Variants in ASIC2 observed in about 807,000 individuals in gnomAD.
ASIC2 encodes acid-sensing ion channel 2.
ASIC2 carries 25 observed loss-of-function variants against 57.3 expected under a neutral mutation model. The ratio of observed to expected loss-of-function variants is 0.44; its 90% confidence interval spans 0.32 to 0.61. ASIC2 has a LOEUF of 0.61. ASIC2 is among the 20% of genes least tolerant of loss of function. The pLI, the probability that ASIC2 is intolerant of heterozygous loss-of-function variation, is 0.06. For synonymous variants in ASIC2, 319 were observed against 307.5 expected (o/e 1.04, Z -0.39); for missense variants, 641 against 738.1 (o/e 0.87, Z 1.52).
chr17:33,213,863 C>T (rs906011606), intron 1 of ASIC2, among the ~76,000 whole-genome samples: 16 of 152,210 alleles, frequency 1.1e-4, no homozygotes, highest in Non-Finnish European at 2.1e-4. Context: ...TACTGATTCT[C>T]TCCCTGGCCC....
intron 1 of ASIC2, among the ~76,000 whole-genome samples, chr17:34,105,874 C>T (rs1281762416): frequency 6.6e-6 from 1 of 151,944 alleles, no homozygotes; most frequent in Non-Finnish European, 1.5e-5. Context: ...TACTTTCTTA[C>T]ATAACCACTG....
chr17:33,463,610 G>A (rs546377491), intron 1 of ASIC2, among the ~76,000 whole-genome samples: 75 of 152,268 alleles, frequency 4.9e-4, no homozygotes, highest in African/African-American at 1.7e-3. Context: ...ATCTGCCTGC[G>A]TGAGCCCCAG....
At chr17:33,859,436 A>T (rs992903686) in intron 1 of ASIC2, among the ~76,000 whole-genome samples, 27 of 152,222 alleles carry the variant, frequency 1.8e-4, no homozygotes, top group African/African-American at 5.5e-4. Context: ...AGAGGCAGGC[A>T]ATATTACCGT....
intron 1 of ASIC2, among the ~76,000 whole-genome samples, chr17:33,170,142 C>G (rs1305189800): frequency 6.6e-6 from 1 of 152,152 alleles, no homozygotes; most frequent in South Asian, 2.1e-4. Flanking sequence ...CCAAGCCATC[C>G]TTTTGGTAAA....
chr17:33,369,407 T>C (rs1349613705), intron 1 of ASIC2, among the ~76,000 whole-genome samples: 1 of 152,240 alleles, frequency 6.6e-6, no homozygotes, highest in Non-Finnish European at 1.5e-5. Flanking sequence ...CTTCTCTTAC[T>C]TGTTGTGTGA....
At chr17:33,894,737 T>C (rs773696682) in intron 1 of ASIC2, among the ~76,000 whole-genome samples, 1 of 152,108 alleles carries the variant, frequency 6.6e-6, no homozygotes, top group Non-Finnish European at 1.5e-5. Context: ...AGACACCTTA[T>C]TGATGTGTTT....
intron 1 of ASIC2, among the ~76,000 whole-genome samples, chr17:33,415,894 G>T (rs8079178): frequency 1.3e-5 from 2 of 152,152 alleles, no homozygotes; most frequent in African/African-American, 4.8e-5. Context: ...TCTCTGTTCC[G>T]CCTGGAACCT....
intron 1 of ASIC2, among the ~76,000 whole-genome samples, chr17:33,280,072 TC>T (rs1904876832): frequency 6.6e-6 from 1 of 152,228 alleles, no homozygotes; most frequent in South Asian, 2.1e-4. Context: ...CCCTCCTCAC[TC>T]CTGGCACATA....
At chr17:33,473,364 T>G (rs887172357) in intron 1 of ASIC2, among the ~76,000 whole-genome samples, 4 of 152,204 alleles carry the variant, frequency 2.6e-5, no homozygotes, top group African/African-American at 7.2e-5. Context: ...CAGTGACATT[T>G]ATTCCTGAGA....
chr17:33,038,804 T>C lies in ASIC2; in HGVS notation c.988-10412A>G, dbSNP rs1201633802. On this transcript the variant is annotated intron_variant, in intron 3 of 9. Transcript: ENST00000225823. ...GGGACATCCTTATGTTGTTCTTCAA[T>C]CATTGATTTTTCCAGCCTCTCCCAG... Among the ~76,000 whole-genome samples the C allele has an allele frequency of 2.6e-4, 40 of 152,180 alleles. 1 individual carries two copies. The highest frequency in any genetic ancestry group is 5.9e-4 in the Non-Finnish European group (40 of 68,032).
intron 1 of ASIC2, among the ~76,000 whole-genome samples, chr17:33,467,234 C>T (rs1262306074): frequency 2.6e-5 from 4 of 152,154 alleles, no homozygotes; most frequent in Admixed American, 2.6e-4. Context: ...AGCCACTGTG[C>T]CTGGCCTTGA....
chr17:33,587,183 T>C (rs1229264305), intron 1 of ASIC2, among the ~76,000 whole-genome samples: 3 of 152,228 alleles, frequency 2.0e-5, no homozygotes, highest in Non-Finnish European at 4.4e-5. Context: ...GTTGAGTACT[T>C]GCAACAGAGA....
intron 1 of ASIC2, among the ~76,000 whole-genome samples, chr17:33,233,400 T>C (rs1378226705): frequency 6.6e-6 from 1 of 151,980 alleles, no homozygotes; most frequent in South Asian, 2.1e-4. Context: ...TACACCACCG[T>C]GTGTGTCACT....
At chr17:33,465,187 C>T (rs1394473718) in intron 1 of ASIC2, among the ~76,000 whole-genome samples, 1 of 152,078 alleles carries the variant, frequency 6.6e-6, no homozygotes, top group East Asian at 1.9e-4. Context: ...TTGTTAGGAG[C>T]TTAAGGGATT....
In ASIC2 at chr17:33,291,523, C is replaced by G. The variant is rs760787252; in HGVS notation, c.593G>C (p.Arg198Pro). ...LADFRLFLPP[R>P]HFEGISAAFM... Reference sequence around the variant, plus strand: ...GGCGGCGCTGATTCCCTCGAAGTGGCGCGGAGGCAGGAAGAGGCGGAAGTC... The same window carrying G: ...GGCGGCGCTGATTCCCTCGAAGTGGGGCGGAGGCAGGAAGAGGCGGAAGTC... Residue 198 changes from arginine to proline, a missense_variant, in exon 1 of 10, where the codon CGC becomes CCC. This residue lies in a region of ASIC2 where 382 missense variants were observed against 398.0 expected (regional missense o/e 0.96). Transcript: ENST00000225823. 1.2e-5 allele frequency: 19 copies of G among 1,612,600 alleles called. No homozygotes were observed. The highest frequency in any genetic ancestry group is 1.4e-5 in the Non-Finnish European group (16 of 1,179,758).
chr17:33,299,133 C>G (rs1250227093), intron 1 of ASIC2, among the ~76,000 whole-genome samples: 1 of 152,222 alleles, frequency 6.6e-6, no homozygotes, highest in Non-Finnish European at 1.5e-5. Flanking sequence ...CATCCCAAGT[C>G]AATCCTAAGC....
intron 1 of ASIC2, among the ~76,000 whole-genome samples, chr17:33,345,558 C>T (rs574669060): frequency 6.6e-6 from 1 of 151,948 alleles, no homozygotes; most frequent in Non-Finnish European, 1.5e-5. Flanking sequence ...GGTGGTCAGA[C>T]CAGGAGAAGA....
chr17:33,752,003 TC>T (rs1334399924), intron 1 of ASIC2, among the ~76,000 whole-genome samples: 2 of 152,126 alleles, frequency 1.3e-5, no homozygotes, highest in Admixed American at 1.3e-4. Flanking sequence ...GTTAAAGATG[TC>T]CTTCTGTTAA....
At chr17:33,339,056 T>A (rs569103188) in intron 1 of ASIC2, among the ~76,000 whole-genome samples, 1 of 152,084 alleles carries the variant, frequency 6.6e-6, no homozygotes, top group Admixed American at 6.5e-5. Flanking sequence ...ATGGTCAAGA[T>A]GGTAAATTTT....
Sources: allele counts gnomAD v4.1 joint callset (sites outside exome capture counted in the v4.1 genomes callset), GRCh38; gene constraint gnomAD v4.1.1; regional missense constraint gnomAD v4.1.1; transcripts MANE v1.5; gene names NCBI Gene and HGNC (gene_info 2026-07-23, HGNC 2026-07-21).